ANKFN1: variants seen among roughly 807,000 people sequenced by gnomAD.
ANKFN1 encodes ankyrin repeat and fibronectin type-III domain-containing protein 1.
In ANKFN1, 74 loss-of-function variants were observed where a neutral mutation model predicts 108.7. The observed-to-expected ratio is 0.68, with a 90% CI of 0.56 to 0.83. The LOEUF (loss-of-function observed/expected upper bound fraction) is 0.83, where lower values mean the gene tolerates loss of function less well. Ranked by LOEUF, ANKFN1 falls within the 40% of genes least tolerant of loss-of-function variation. ANKFN1 has a pLI of 0.00. For missense variants in ANKFN1, 1,505 were observed against 1,382.3 expected (o/e 1.09, Z -1.41); for synonymous variants, 547 against 516.2 (o/e 1.06, Z -0.81).
chr17:56,499,883 G>A (rs935377475), intron 20 of ANKFN1, among the ~76,000 whole-genome samples: 14 of 152,098 alleles, frequency 9.2e-5, no homozygotes, highest in African/African-American at 2.2e-4. Context: ...AAGTAATGGC[G>A]ATTCAAAGCA....
rs139602119 is a variant in ANKFN1, at chr17:56,098,142, G to A, written c.288+51817G>A. 5.7e-3 allele frequency among the ~76,000 whole-genome samples: 870 copies of A among 152,194 alleles called. 34 individuals are homozygous for A. The highest frequency in any genetic ancestry group is 0.053 in the Admixed American group (810 of 15,276). On this transcript the variant is annotated intron_variant, in intron 4 of 12. Transcript: ENST00000635860. Reference sequence around the variant, plus strand: ...TGATGCAATCACAAGTCAAAGAATTGCTGACAGCTGCCAGAAGCTGGAAAA... The same window carrying A: ...TGATGCAATCACAAGTCAAAGAATTACTGACAGCTGCCAGAAGCTGGAAAA...
At chr17:56,058,101 T>A (rs1042767848) in intron 4 of ANKFN1, among the ~76,000 whole-genome samples, 1 of 152,224 alleles carries the variant, frequency 6.6e-6, no homozygotes, top group African/African-American at 2.4e-5. Context: ...TTAGCATAAT[T>A]TTTAAAGGCC....
intron 3 of ANKFN1, among the ~76,000 whole-genome samples, chr17:56,247,901 G>C (rs941496211): frequency 6.6e-6 from 1 of 152,154 alleles, no homozygotes; most frequent in Non-Finnish European, 1.5e-5. Flanking sequence ...TATATCAAAT[G>C]TATAAAAAGC....
chr17:56,400,426 T>C (rs2047724807), intron 8 of ANKFN1, among the ~76,000 whole-genome samples: 1 of 67,866 alleles, frequency 1.5e-5, no homozygotes, highest in African/African-American at 5.2e-5. Context: ...CACTTTTTGA[T>C]GAGGTTGTTT....
intron 3 of ANKFN1, chr17:56,323,471 C>T (rs555141439): frequency 1.3e-5 from 2 of 152,672 alleles, no homozygotes; most frequent in Admixed American, 6.5e-5. Context: ...AGAGACGAGA[C>T]GAACTCCAGG....
intron 8 of ANKFN1, among the ~76,000 whole-genome samples, chr17:56,417,032 G>A (rs1388595281): frequency 1.3e-5 from 2 of 151,802 alleles, no homozygotes; most frequent in African/African-American, 4.8e-5. Context: ...TAGAGATAGA[G>A]AATAGAAGGA....
chr17:56,198,058 T>C (rs114503275), intron 1 of ANKFN1, among the ~76,000 whole-genome samples: 3,614 of 152,294 alleles, frequency 0.024, 136 homozygotes, highest in African/African-American at 0.083. Context: ...GGGATCTAAG[T>C]TGCACATTCC....
chr17:56,087,190 T>G (rs1283169094), intron 4 of ANKFN1, among the ~76,000 whole-genome samples: 3 of 151,320 alleles, frequency 2.0e-5, no homozygotes, highest in Non-Finnish European at 4.4e-5. Flanking sequence ...GTACTACTTT[T>G]GACTATTTCC....
chr17:56,175,309 G>A (rs759334531), intron 1 of ANKFN1, among the ~76,000 whole-genome samples: 2 of 152,082 alleles, frequency 1.3e-5, no homozygotes, highest in Non-Finnish European at 2.9e-5. Flanking sequence ...GTTTTGTTTT[G>A]TTTTTACAAG....
intron 2 of ANKFN1, among the ~76,000 whole-genome samples, chr17:56,220,276 CAGTAGCCCTGA>C (rs940028444): frequency 2.2e-4 from 33 of 152,132 alleles, no homozygotes; most frequent in African/African-American, 8.0e-4. Context: ...AATGATAAAA[CAGTAGCCCTGA>C]AGCTATGTTA....
chr17:56,195,602 GGAAGTA>G (rs1012885811), intron 1 of ANKFN1, among the ~76,000 whole-genome samples: 1 of 152,148 alleles, frequency 6.6e-6, no homozygotes, highest in African/African-American at 2.4e-5. Context: ...GGACCCAGAA[GGAAGTA>G]GATGCTTATA....
At chr17:56,302,576 G>A (rs952120541) in intron 3 of ANKFN1, among the ~76,000 whole-genome samples, 9 of 150,262 alleles carry the variant, frequency 6.0e-5, no homozygotes, top group African/African-American at 1.7e-4. Flanking sequence ...AAAGAAAAAC[G>A]TATTTGTCTA....
In ANKFN1 at chr17:56,075,384, T is replaced by A. The variant is rs927806604; in HGVS notation, c.288+29059T>A. Among the ~76,000 whole-genome samples the A allele has an allele frequency of 6.6e-5, 10 of 152,224 alleles. No individual in the cohort carries two copies. In the East Asian group the frequency reaches 1.7e-3, roughly 27 times the overall value. On this transcript the variant is annotated intron_variant, in intron 4 of 12. Coordinates refer to the ANKFN1 transcript ENST00000635860. ...AATTGCAGGTGTTCAAAAGTTGCAG[T>A]TTTCTTGCCCAAACTAGAGTATGCT...
intron 6 of ANKFN1, among the ~76,000 whole-genome samples, 186 bp downstream of exon 6, chr17:56,354,232 C>G (rs191960968): frequency 2.6e-5 from 4 of 152,262 alleles, no homozygotes. Flanking sequence ...GCATCAAGTT[C>G]CTTTCTAAAT....
At chr17:56,121,825 T>A (rs1405911201) in intron 4 of ANKFN1, among the ~76,000 whole-genome samples, 3 of 152,226 alleles carry the variant, frequency 2.0e-5, no homozygotes, top group African/African-American at 4.8e-5. Flanking sequence ...GGATATTGGC[T>A]GTAGGTCCAA....
At chr17:56,125,015 C>G (rs898812908) in intron 4 of ANKFN1, among the ~76,000 whole-genome samples, 1 of 152,212 alleles carries the variant, frequency 6.6e-6, no homozygotes, top group African/African-American at 2.4e-5. Context: ...CTCTTCTCCC[C>G]ACTCTTCCCA....
chr17:56,335,669 A>C (rs1424861106), intron 4 of ANKFN1, among the ~76,000 whole-genome samples: 1 of 152,182 alleles, frequency 6.6e-6, no homozygotes, highest in Non-Finnish European at 1.5e-5. Context: ...AAACAGGGAC[A>C]ATTTGATTTC....
intron 8 of ANKFN1, among the ~76,000 whole-genome samples, chr17:56,393,755 T>TCATTCATTCACC (rs2047502506): frequency 6.6e-6 from 1 of 151,860 alleles, no homozygotes; most frequent in Non-Finnish European, 1.5e-5. Context: ...ATTCATTCAC[T>TCATTCATTCACC]CATTCATTCA....
At chr17:56,161,777 A>T (rs1209764835) in intron 1 of ANKFN1, among the ~76,000 whole-genome samples, 1 of 152,238 alleles carries the variant, frequency 6.6e-6, no homozygotes, top group Non-Finnish European at 1.5e-5. Context: ...AAAAAAAAAA[A>T]ATTCATGAAT....
Sources: gnomAD v4.1 joint callset for allele counts (sites outside exome capture counted in the v4.1 genomes callset) on GRCh38, gnomAD v4.1.1 for gene constraint, MANE v1.5 for transcripts, NCBI Gene and HGNC (gene_info 2026-07-23, HGNC 2026-07-21) for gene names.